The following STAM2 variants were observed in gnomAD, a reference collection of about 807,000 sequenced individuals.
The protein encoded by STAM2 is signal transducing adapter molecule 2.
Under a neutral mutation model 65.6 loss-of-function variants are expected in STAM2, and 51 were observed. The observed-to-expected ratio is 0.78, with a 90% CI of 0.62 to 0.98. The LOEUF is 0.98. Ranked by LOEUF, STAM2 falls within the 50% of genes least tolerant of loss-of-function variation. The pLI is 0.00. For synonymous variants in STAM2, 198 were observed against 208.4 expected (o/e 0.95, Z 0.43); for missense variants, 584 against 617.8 (o/e 0.95, Z 0.58).
intron 7 of STAM2, among the ~76,000 whole-genome samples, chr2:152,142,899 T>C (rs1375029682): frequency 2.0e-5 from 3 of 152,182 alleles, no homozygotes; most frequent in African/African-American, 7.2e-5. Flanking sequence ...TCAAAACCAA[T>C]CAAGATACAC....
At chr2:152,175,094 T>C (rs1235188965) in intron 1 of STAM2, among the ~76,000 whole-genome samples, 1 of 152,188 alleles carries the variant, frequency 6.6e-6, no homozygotes, top group Non-Finnish European at 1.5e-5. Context: ...AAAGCTACCC[T>C]ATCAGGGATT....
chr2:152,167,719 A>G (rs935814309), intron 1 of STAM2, among the ~76,000 whole-genome samples: 2 of 134,874 alleles, frequency 1.5e-5, no homozygotes, highest in African/African-American at 6.0e-5. Context: ...ACATGGTGAA[A>G]CCTCATTTCT....
rs111255186 is a variant in STAM2 at position 152,127,598 on chromosome 2, G to GA, written c.1026-1220dup. The stretch of plus-strand genomic sequence containing the variant: ...GTTTATATCCATGAAAGTGTCAACT[G>GA]AAAAAAAAAAAACCTACTTAAATAA... On this transcript the variant is annotated intron_variant, in intron 11 of 13. Transcript: ENST00000263904. Among the ~76,000 whole-genome samples, 995 of 135,470 alleles carry GA rather than the reference G, an allele frequency of 7.3e-3. 8 individuals are homozygous for GA. Among genetic ancestry groups the GA allele is most frequent in the African/African-American group, 0.02 (759 of 37,480 alleles). The allele number at this position is 135,470 out of a possible 152,430, so 88.9% of individuals were successfully genotyped here.
chr2:152,168,476 A>C (rs1333124854), intron 1 of STAM2, among the ~76,000 whole-genome samples: 1 of 152,124 alleles, frequency 6.6e-6, no homozygotes, highest in Non-Finnish European at 1.5e-5. Context: ...TATTACACGC[A>C]ACACCTCTGA....
chr2:152,174,675 G>C (rs535228982), intron 1 of STAM2, among the ~76,000 whole-genome samples: 41 of 152,102 alleles, frequency 2.7e-4, no homozygotes, highest in East Asian at 2.3e-3. Flanking sequence ...TTTACCTAGG[G>C]TTCTGTTAAC....
At chr2:152,165,976 G>A (rs945510376) in intron 1 of STAM2, among the ~76,000 whole-genome samples, 1 of 152,166 alleles carries the variant, frequency 6.6e-6, no homozygotes, top group African/African-American at 2.4e-5. Flanking sequence ...GTCAAGGCGG[G>A]CGGATTACAT....
chr2:152,120,444 G>T lies in STAM2; in HGVS notation c.*130C>A. ...TTTATGGCCTTGTAGAATAAGAGAG[G>T]TTTTTGTGCTTTATTTATTCATGGT... On this transcript the variant is annotated 3_prime_UTR_variant, in exon 14 of 14. Coordinates refer to ENST00000263904, the MANE Select transcript of STAM2 (RefSeq NM_005843.6). 1 of 746,140 alleles carries T rather than the reference G, an allele frequency of 1.3e-6. No homozygotes were observed. Among genetic ancestry groups the T allele is most frequent in the Non-Finnish European group, 2.1e-6 (1 of 465,276 alleles). 46.2% of individuals were successfully genotyped at this position (746,140 alleles called of 1,614,324 possible). A position where few individuals can be genotyped will look rare whatever the true frequency, so the allele number is the denominator to read the frequency against.
intron 7 of STAM2, 112 bp from the exon 8 acceptor site, chr2:152,135,715 C>T: frequency 1.5e-6 from 1 of 676,620 alleles, no homozygotes; most frequent in Non-Finnish European, 2.5e-6. Flanking sequence ...TTACAAGCAG[C>T]TATAATTGAG....
At position 152,147,221 on chromosome 2, in the gene STAM2, A is replaced by G. The variant is rs775554966; in HGVS notation, c.388T>C (p.Ser130Pro). ...TCTTTCATAGATTTAATAGTTGCAG[A>G]TATCAGACTAAACTGAGGGTCCTTC... Reference protein sequence around the residue: ...FQKDPQFSLISATIKSMKEEG... With the variant: ...FQKDPQFSLIPATIKSMKEEG... Residue 130 changes from serine to proline, a missense_variant, in exon 5 of 14, where the codon TCT becomes CCT. Coordinates refer to ENST00000263904, the MANE Select transcript of STAM2 (RefSeq NM_005843.6). 12 of 1,612,044 alleles carry G rather than the reference A, an allele frequency of 7.4e-6. No homozygotes were observed. Among genetic ancestry groups the G allele is most frequent in the East Asian group, 2.2e-5 (1 of 44,716 alleles).
intron 4 of STAM2, 86 bp from the exon 5 acceptor site, chr2:152,147,394 A>ATGGT: frequency 1.6e-6 from 2 of 1,270,336 alleles, no homozygotes; most frequent in Non-Finnish European, 2.1e-6. Context: ...ATTACCATCA[A>ATGGT]AATTCTCTTT....
intron 7 of STAM2, among the ~76,000 whole-genome samples, chr2:152,137,117 A>G (rs1308408091): frequency 6.6e-6 from 1 of 151,892 alleles, no homozygotes; most frequent in African/African-American, 2.4e-5. Flanking sequence ...CTCAAACTTT[A>G]TCTTAAGTGA....
At chr2:152,151,735 C>A (rs1689450343) in intron 1 of STAM2, among the ~76,000 whole-genome samples, 1 of 152,252 alleles carries the variant, frequency 6.6e-6, no homozygotes, top group South Asian at 2.1e-4. Flanking sequence ...TTTACCTATT[C>A]CGGATTTTTC....
chr2:152,132,648 T>C (rs1310722402), intron 10 of STAM2, among the ~76,000 whole-genome samples: 1 of 147,594 alleles, frequency 6.8e-6, no homozygotes, highest in Non-Finnish European at 1.5e-5. Flanking sequence ...CAGATGTTTC[T>C]TCTATATAAA....
intron 1 of STAM2, among the ~76,000 whole-genome samples, chr2:152,161,088 G>A (rs578102860): frequency 3.0e-4 from 46 of 152,306 alleles, no homozygotes; most frequent in South Asian, 1.9e-3. Flanking sequence ...TTGAGAAATC[G>A]GATGGTTGCC....
At chr2:152,158,610 G>A (rs1039535066) in intron 1 of STAM2, among the ~76,000 whole-genome samples, 1 of 152,108 alleles carries the variant, frequency 6.6e-6, no homozygotes, top group Admixed American at 6.6e-5. Context: ...AATACCTTTG[G>A]ACATGACTAA....
In STAM2 at chr2:152,175,024, C is replaced by T. The variant is rs1689987214; in HGVS notation, c.40+579G>A. On this transcript the variant is annotated intron_variant, in intron 1 of 13. Transcript: ENST00000263904. Reference sequence around the variant, plus strand: ...TCTAAAACCGAACATCTCCTAGCACCCGCGCAATCTTTGCAATCCGGGGAT... The same window carrying T: ...TCTAAAACCGAACATCTCCTAGCACTCGCGCAATCTTTGCAATCCGGGGAT... Among the ~76,000 whole-genome samples, 5 of 152,210 alleles carry T rather than the reference C, an allele frequency of 3.3e-5. No individual in the cohort carries two copies. In the South Asian group the frequency reaches 1.0e-3, roughly 32 times the overall value.
intron 1 of STAM2, among the ~76,000 whole-genome samples, chr2:152,167,508 T>C (rs559754862): frequency 9.6e-4 from 147 of 152,352 alleles, no homozygotes; most frequent in Admixed American, 3.5e-3. Context: ...CAGGAACTAA[T>C]ATCCTTCTCA....
rs187893727 is a variant in STAM2, at chr2:152,129,775, G to A, written c.1025+2339C>T. Among the ~76,000 whole-genome samples, 2 of 152,240 alleles carry A rather than the reference G, an allele frequency of 1.3e-5. 1 individual carries two copies. The highest frequency in any genetic ancestry group is 1.3e-4 in the Admixed American group (2 of 15,284). On this transcript the variant is annotated intron_variant, in intron 11 of 13. Coordinates refer to ENST00000263904, the MANE Select transcript of STAM2 (RefSeq NM_005843.6). ...ATCTTTTCCAGTTTGATTATTCACT[G>A]AACATTAACATGCTGCATTGAAACA...
intron 1 of STAM2, among the ~76,000 whole-genome samples, chr2:152,164,057 C>CA (rs762689425): frequency 6.6e-6 from 1 of 152,170 alleles, no homozygotes; most frequent in Non-Finnish European, 1.5e-5. Context: ...CGTACACCCC[C>CA]TCCCCTTTTG....
Sources: gnomAD v4.1 joint callset for allele counts (sites outside exome capture counted in the v4.1 genomes callset) on GRCh38, gnomAD v4.1.1 for gene constraint, MANE v1.5 for transcripts, NCBI Gene and HGNC (gene_info 2026-07-23, HGNC 2026-07-21) for gene names.